ADARB2: variants seen among roughly 807,000 people sequenced by gnomAD.
The protein encoded by ADARB2 is inactive double-stranded RNA-specific editase B2.
A neutral mutation model predicts 62.2 loss-of-function variants in ADARB2; 25 were observed. The observed-to-expected ratio is 0.40, with a 90% CI of 0.29 to 0.56. The LOEUF is 0.56. Among genes scored for constraint, ADARB2 ranks in the 20% least tolerant of loss-of-function variants. The probability of loss-of-function intolerance (pLI) is 0.43; values close to 1 mark genes in which losing one functional copy is unlikely to be tolerated. For missense variants in ADARB2, 1,071 were observed against 1,077.4 expected (o/e 0.99, Z 0.08); for synonymous variants, 572 against 500.8 (o/e 1.14, Z -1.90).
intron 1 of ADARB2, among the ~76,000 whole-genome samples, chr10:1,686,753 G>A (rs1834601352): frequency 6.6e-6 from 1 of 152,112 alleles, no homozygotes; most frequent in Non-Finnish European, 1.5e-5. Context: ...AGAATAATAT[G>A]ATATCACTTA....
At chr10:1,641,974 C>T (rs954453492) in intron 1 of ADARB2, among the ~76,000 whole-genome samples, 2 of 152,058 alleles carry the variant, frequency 1.3e-5, no homozygotes, top group African/African-American at 4.8e-5. Flanking sequence ...GATGGTGCCA[C>T]TGCACTCCAG....
intron 1 of ADARB2, among the ~76,000 whole-genome samples, chr10:1,576,153 GTCACAGGA>G: frequency 3.0e-5 from 1 of 33,638 alleles, no homozygotes; most frequent in Non-Finnish European, 6.6e-5. Flanking sequence ...GGGGTCCACG[GTCACAGGA>G]GGGGGGTTCA....
At chr10:1,718,494 G>T (rs1033767791) in intron 1 of ADARB2, among the ~76,000 whole-genome samples, 2 of 152,226 alleles carry the variant, frequency 1.3e-5, no homozygotes, top group African/African-American at 4.8e-5. Flanking sequence ...TTGTGTGTGT[G>T]CATGCCTCCG....
intron 1 of ADARB2, among the ~76,000 whole-genome samples, chr10:1,732,148 A>C (rs1178870048): frequency 6.6e-6 from 1 of 152,044 alleles, no homozygotes; most frequent in Non-Finnish European, 1.5e-5. Context: ...AAAATTGCTC[A>C]AATGTTTCAG....
At chr10:1,351,845 C>T (rs1387040825) in intron 3 of ADARB2, among the ~76,000 whole-genome samples, 1 of 151,224 alleles carries the variant, frequency 6.6e-6, no homozygotes, top group Non-Finnish European at 1.5e-5. Flanking sequence ...TAAAACCAGA[C>T]AAGGCTTACA....
intron 9 of ADARB2, among the ~76,000 whole-genome samples, chr10:1,184,500 G>A (rs1014410172): frequency 6.6e-6 from 1 of 152,134 alleles, no homozygotes; most frequent in East Asian, 1.9e-4. Context: ...TCTGAGTGTC[G>A]GTTTCCTGAT....
chr10:1,632,750 C>G (rs1304504217), intron 1 of ADARB2, among the ~76,000 whole-genome samples: 6 of 152,238 alleles, frequency 3.9e-5, no homozygotes, highest in African/African-American at 1.4e-4. Context: ...GCCCAGCAGT[C>G]ACGAAGAACC....
intron 1 of ADARB2, among the ~76,000 whole-genome samples, chr10:1,709,364 C>T (rs1390888754): frequency 1.3e-5 from 2 of 152,174 alleles, no homozygotes; most frequent in Non-Finnish European, 2.9e-5. Flanking sequence ...TACGTCCTGC[C>T]AAGCATGTCT....
At chr10:1,322,407 TA>T (rs1298083096) in intron 3 of ADARB2, among the ~76,000 whole-genome samples, 1 of 152,178 alleles carries the variant, frequency 6.6e-6, no homozygotes. Context: ...CCAAACTGAG[TA>T]TTTGAGTTAG....
intron 3 of ADARB2, among the ~76,000 whole-genome samples, chr10:1,321,320 C>A (rs906589964): frequency 2.0e-5 from 3 of 152,134 alleles, no homozygotes; most frequent in Non-Finnish European, 4.4e-5. Context: ...TGAAAACAGC[C>A]CATTGAGAGC....
chr10:1,353,369 C>T (rs901918488), intron 3 of ADARB2, among the ~76,000 whole-genome samples: 11 of 152,166 alleles, frequency 7.2e-5, no homozygotes, highest in African/African-American at 2.7e-4. Context: ...TTTGCATTTC[C>T]CTTTCTTCCA....
intron 1 of ADARB2, among the ~76,000 whole-genome samples, chr10:1,515,967 G>A (rs1331565170): frequency 6.6e-6 from 1 of 152,222 alleles, no homozygotes; most frequent in East Asian, 1.9e-4. Flanking sequence ...GTGCTAAGAT[G>A]TCTTCCACGG....
intron 1 of ADARB2, among the ~76,000 whole-genome samples, chr10:1,713,279 C>T (rs370757906): frequency 1.6e-4 from 24 of 152,320 alleles, no homozygotes; most frequent in African/African-American, 5.1e-4. Context: ...GATCCTACAG[C>T]GCTTGGGATG....
chr10:1,487,194 C>T (rs767644290), intron 1 of ADARB2, among the ~76,000 whole-genome samples: 17 of 152,234 alleles, frequency 1.1e-4, no homozygotes, highest in African/African-American at 2.2e-4. Flanking sequence ...AATCCATCTA[C>T]GACTGGGTGA....
chr10:1,501,239 A>C (rs905441339), intron 1 of ADARB2, among the ~76,000 whole-genome samples: 3 of 152,178 alleles, frequency 2.0e-5, no homozygotes, highest in African/African-American at 7.2e-5. Context: ...CCTGCAGTAA[A>C]AGGGGGAGTT....
intron 3 of ADARB2, chr10:1,360,971 G>C (rs578124715): frequency 6.6e-6 from 1 of 152,408 alleles, no homozygotes; most frequent in Non-Finnish European, 1.5e-5. Context: ...GGACGCAGGA[G>C]GGGGGCTGGG....
intron 1 of ADARB2, among the ~76,000 whole-genome samples, chr10:1,425,766 G>A (rs1311242256): frequency 2.6e-5 from 4 of 152,234 alleles, no homozygotes; most frequent in Non-Finnish European, 5.9e-5. Context: ...TTTGTAGCCT[G>A]AACTGCATGA....
intron 3 of ADARB2, among the ~76,000 whole-genome samples, chr10:1,283,609 T>A (rs1241370733): frequency 1.3e-5 from 2 of 152,226 alleles, no homozygotes; most frequent in Non-Finnish European, 2.9e-5. Flanking sequence ...GTGTCCTTCA[T>A]GTGGCTTATT....
chr10:1,629,178 G>A (rs916713621), intron 1 of ADARB2, among the ~76,000 whole-genome samples: 3 of 152,100 alleles, frequency 2.0e-5, no homozygotes, highest in African/African-American at 7.2e-5. Context: ...GAGGTTTGTG[G>A]TTACTTGATT....
Sources: gnomAD v4.1 joint callset for allele counts (sites outside exome capture counted in the v4.1 genomes callset) on GRCh38, gnomAD v4.1.1 for gene constraint, MANE v1.5 for transcripts, NCBI Gene and HGNC (gene_info 2026-07-23, HGNC 2026-07-21) for gene names.